SOX6: variants seen among roughly 807,000 people sequenced by gnomAD.
SOX6 encodes SRY-box transcription factor 6.
In SOX6, 11 loss-of-function variants were observed where a neutral mutation model predicts 97.8. The observed-to-expected ratio is 0.11, with a 90% CI of 0.07 to 0.19. The LOEUF (loss-of-function observed/expected upper bound fraction) is 0.19. SOX6 is among the 10% of genes least tolerant of loss of function. SOX6 has a pLI of 1.00. For missense variants in SOX6, 810 were observed against 1,039.5 expected, an observed-to-expected ratio of 0.78 and a Z score of 3.04; for synonymous variants, 360 against 371.4, an observed-to-expected ratio of 0.97 and a Z score of 0.35.
chr11:16,549,658 T>C (rs1335868977), intron 4 of SOX6, among the ~76,000 whole-genome samples: 1 of 152,184 alleles, frequency 6.6e-6, no homozygotes, highest in Non-Finnish European at 1.5e-5. Context: ...ACTCAGCAAC[T>C]TTATTCACGA....
At chr11:16,066,959 C>T (rs1242932504) in intron 9 of SOX6, among the ~76,000 whole-genome samples, 3 of 152,094 alleles carry the variant, frequency 2.0e-5, no homozygotes, top group Non-Finnish European at 4.4e-5. Context: ...GACTGCCCTG[C>T]TGGATTTCAG....
intron 4 of SOX6, among the ~76,000 whole-genome samples, chr11:16,517,623 A>C (rs1269323487): frequency 6.6e-6 from 1 of 152,216 alleles, no homozygotes; most frequent in Non-Finnish European, 1.5e-5. Flanking sequence ...TAACCTATAC[A>C]TTTAACATCT....
chr11:16,718,572 A>G (rs1390921741), intron 2 of SOX6, among the ~76,000 whole-genome samples: 1 of 152,232 alleles, frequency 6.6e-6, no homozygotes, highest in Non-Finnish European at 1.5e-5. Context: ...GTATGTACAT[A>G]TTATCCTGGT....
At chr11:16,033,021 T>C (rs1414878334) in intron 12 of SOX6, among the ~76,000 whole-genome samples, 1 of 152,168 alleles carries the variant, frequency 6.6e-6, no homozygotes, top group African/African-American at 2.4e-5. Flanking sequence ...GACCCTCTAT[T>C]GTCTGGTTCC....
chr11:16,281,072 T>C (rs980441762), intron 3 of SOX6, among the ~76,000 whole-genome samples: 1 of 152,062 alleles, frequency 6.6e-6, no homozygotes, highest in African/African-American at 2.4e-5. Flanking sequence ...TAAACTTCCT[T>C]GCAGCTACAC....
At chr11:16,543,634 C>T (rs1847582309) in intron 4 of SOX6, among the ~76,000 whole-genome samples, 1 of 152,098 alleles carries the variant, frequency 6.6e-6, no homozygotes, top group South Asian at 2.1e-4. Context: ...GAGCAAAAGG[C>T]TGAACTAGTC....
chr11:16,307,511 T>A (rs1855478121), intron 3 of SOX6, among the ~76,000 whole-genome samples: 1 of 152,164 alleles, frequency 6.6e-6, no homozygotes. Flanking sequence ...ATGCTTTAAT[T>A]CTTAAATTTT....
intron 1 of SOX6, among the ~76,000 whole-genome samples, chr11:16,447,982 A>G (rs1859646570): frequency 6.6e-6 from 1 of 152,196 alleles, no homozygotes; most frequent in Admixed American, 6.5e-5. Context: ...ATTGCACAGA[A>G]ATCTGTACAG....
chr11:15,984,048 C>T (rs979848174), intron 15 of SOX6, among the ~76,000 whole-genome samples: 2 of 152,122 alleles, frequency 1.3e-5, no homozygotes, highest in Non-Finnish European at 2.9e-5. Context: ...GAATTTGAAC[C>T]TTTGCTCTTT....
At chr11:16,260,296 G>A (rs890144220) in intron 3 of SOX6, among the ~76,000 whole-genome samples, 15 of 151,956 alleles carry the variant, frequency 9.9e-5, no homozygotes, top group Admixed American at 2.6e-4. Context: ...CACTGTGCCC[G>A]GGCCAATGTC....
At chr11:16,648,389 C>T (rs1007140541) in intron 3 of SOX6, among the ~76,000 whole-genome samples, 10 of 152,114 alleles carry the variant, frequency 6.6e-5, no homozygotes, top group African/African-American at 2.4e-4. Context: ...AATCCTGCCC[C>T]CACCTGATGG....
chr11:16,349,903 A>G lies in SOX6; in HGVS notation c.-5+6191T>C, dbSNP rs1395008080. 9.9e-4 allele frequency among the ~76,000 whole-genome samples: 151 copies of G among 152,208 alleles called. 2 individuals carry two copies. Among genetic ancestry groups the G allele is most frequent in the Non-Finnish European group, 8.8e-5 (6 of 68,016 alleles). Reference sequence around the variant, plus strand: ...AATGCCTGATATTCCCATTTTAACCATTTCATTTTTGAAATATTTCCTATA... The same window carrying G: ...AATGCCTGATATTCCCATTTTAACCGTTTCATTTTTGAAATATTTCCTATA... On this transcript the variant is annotated intron_variant, in intron 1 of 15. Coordinates refer to ENST00000683767, the MANE Select transcript of SOX6 (RefSeq NM_001367873.1).
chr11:16,097,487 T>C, intron 8 of SOX6, 122 bp downstream of exon 8: 1 of 824,914 alleles, frequency 1.2e-6, no homozygotes. Flanking sequence ...AAGGTGTTAA[T>C]CCTTCTGGGC....
intron 6 of SOX6, among the ~76,000 whole-genome samples, chr11:16,182,696 A>T (rs980658767): frequency 2.6e-5 from 4 of 151,922 alleles, no homozygotes; most frequent in African/African-American, 7.2e-5. Context: ...CCAACAAAAA[A>T]GTTGGCTAAG....
At chr11:16,463,168 G>T (rs1414762609) in intron 1 of SOX6, among the ~76,000 whole-genome samples, 5 of 152,226 alleles carry the variant, frequency 3.3e-5, no homozygotes, top group Non-Finnish European at 7.4e-5. Context: ...GGAACAAATT[G>T]GTTCCAAACT....
chr11:16,081,497 T>C (rs1296492909), intron 9 of SOX6, among the ~76,000 whole-genome samples: 1 of 152,174 alleles, frequency 6.6e-6, no homozygotes, highest in Non-Finnish European at 1.5e-5. Context: ...GTGCCTGCCA[T>C]AACACCCCTA....
intron 6 of SOX6, among the ~76,000 whole-genome samples, chr11:16,132,231 AAAAG>A (rs202182988): frequency 0.036 from 5,059 of 142,268 alleles, 480 homozygotes; most frequent in East Asian, 0.34. Context: ...TTCTCAAAAA[AAAAG>A]AAAGAAAGAA....
chr11:16,316,736 TC>T (rs2134298889), intron 3 of SOX6: 1 of 152,232 alleles, frequency 6.6e-6, no homozygotes, highest in African/African-American at 2.4e-5. Flanking sequence ...ACTGAAACCA[TC>T]TTTTGGTGGA....
At chr11:16,591,291 C>T (rs1848147228) in intron 4 of SOX6, among the ~76,000 whole-genome samples, 1 of 145,722 alleles carries the variant, frequency 6.9e-6, no homozygotes, top group Non-Finnish European at 1.5e-5. Flanking sequence ...TGTTACCAAA[C>T]ACATAGATTA....
Sources: gnomAD v4.1 joint callset for allele counts (sites outside exome capture counted in the v4.1 genomes callset) on GRCh38, gnomAD v4.1.1 for gene constraint, MANE v1.5 for transcripts, NCBI Gene and HGNC (gene_info 2026-07-23, HGNC 2026-07-21) for gene names.